Variants in STX1B observed in about 807,000 individuals in gnomAD.
STX1B encodes syntaxin 1B, also known as syntaxin-1B.
A neutral mutation model predicts 39.4 loss-of-function variants in STX1B; 7 were observed. The ratio of observed to expected loss-of-function variants is 0.18; its 90% CI spans 0.10 to 0.33. STX1B has a LOEUF of 0.33. STX1B is among the 10% of genes least tolerant of loss of function. The pLI is 1.00. For missense variants in STX1B, 198 were observed against 383.2 expected, an observed-to-expected ratio of 0.52 and a Z score of 4.04; for synonymous variants, 136 against 144.1, an observed-to-expected ratio of 0.94 and a Z score of 0.40.
chr16:30,993,274 G>A, intron 8 of STX1B, 34 bp from the exon 9 acceptor site: 3 of 1,613,624 alleles, frequency 1.9e-6, no homozygotes, highest in Non-Finnish European at 2.5e-6. Flanking sequence ...AGGGAGGGAT[G>A]GGGGCTGGGC....
Position 30,989,914 on chromosome 16 carries a change from A to G in STX1B, c.*2907T>C, listed in dbSNP as rs1357335640. ...CACACGTGGGGCACATGTGGGCTCA[A>G]TGGTTGCAGGCGCCTGGGCAGGTAG... On this transcript the variant is annotated 3_prime_UTR_variant, in exon 10 of 10. Coordinates refer to ENST00000215095, the MANE Select transcript of STX1B (RefSeq NM_052874.5). 5 of 152,338 alleles carry G rather than the reference A, an allele frequency of 3.3e-5. No individual in the cohort carries two copies. Among genetic ancestry groups the G allele is most frequent in the Admixed American group, 1.3e-4 (2 of 15,276 alleles). The allele number at this position is 152,338 out of a possible 1,614,324, so 9.4% of individuals were successfully genotyped here.
chr16:30,999,617 G>A (rs964318512), intron 4 of STX1B, among the ~76,000 whole-genome samples: 2 of 152,126 alleles, frequency 1.3e-5, no homozygotes, highest in African/African-American at 2.4e-5. Flanking sequence ...TTGAAAGCTC[G>A]CCAGCCCCTG....
intron 6 of STX1B, 94 bp from the exon 7 acceptor site, chr16:30,996,850 C>T (rs969519292): frequency 7.6e-6 from 12 of 1,572,978 alleles, no homozygotes; most frequent in Middle Eastern, 2.0e-4. Flanking sequence ...CACCCTCCCA[C>T]GCCGCCTTAA....
chr16:30,993,819 T>C (rs1485707830), intron 7 of STX1B, among the ~76,000 whole-genome samples: 2 of 152,172 alleles, frequency 1.3e-5, no homozygotes, highest in Admixed American at 6.5e-5. Flanking sequence ...ACCTCGTCTC[T>C]ACTAAAAATA....
rs1229172573 is a variant in STX1B, at chr16:30,989,308, C to T, written c.*3513G>A. The T allele has an allele frequency of 2.0e-5, 3 of 152,330 alleles. No individual in the cohort carries two copies. The East Asian group carries it at 5.8e-4, about 29-fold the overall frequency. The allele number at this position is 152,330 out of a possible 1,614,324, so 9.4% of individuals were successfully genotyped here. ...CCCGTCCCACAGGGCCTGACCTGGC[C>T]CAGGGTGGGGTGGGGGGCTCTGGGG... On this transcript the variant is annotated 3_prime_UTR_variant, in exon 10 of 10. Transcript: ENST00000215095.
chr16:30,995,699 C>T (rs2056588206), intron 7 of STX1B, among the ~76,000 whole-genome samples: 1 of 151,700 alleles, frequency 6.6e-6, no homozygotes, highest in Admixed American at 6.6e-5. Context: ...CCATGTTGGC[C>T]AGGCTGGTCT....
At chr16:30,997,354 C>A in intron 5 of STX1B, 148 bp downstream of exon 5, 1 of 716,660 alleles carries the variant, frequency 1.4e-6, no homozygotes, top group South Asian at 1.8e-5. Context: ...CCCAGGGCCC[C>A]GCCCGCTCTA....
intron 1 of STX1B, among the ~76,000 whole-genome samples, chr16:31,006,738 G>A (rs937898623): frequency 5.9e-5 from 9 of 152,152 alleles, no homozygotes; most frequent in Non-Finnish European, 1.3e-4. Context: ...TCAGGGCAGA[G>A]GGAACAGCAT....
chr16:30,997,370 G>A, intron 5 of STX1B, 132 bp downstream of exon 5: 1 of 562,910 alleles, frequency 1.8e-6, no homozygotes, highest in East Asian at 4.3e-5. Context: ...CTCTAGCCTC[G>A]CCCCCAGAGC....
Position 31,001,975 on chromosome 16 carries a change from C to A in STX1B, c.31-372G>T, listed in dbSNP as rs1454402492. Among the ~76,000 whole-genome samples the A allele has an allele frequency of 1.3e-5, 2 of 152,142 alleles. No individual in the cohort carries two copies. Among genetic ancestry groups the A allele is most frequent in the Non-Finnish European group, 2.9e-5 (2 of 68,012 alleles). On this transcript the variant is annotated intron_variant, in intron 1 of 9. Coordinates refer to ENST00000215095, the MANE Select transcript of STX1B (RefSeq NM_052874.5). The surrounding 1 kb of genome is among the most constrained non-coding windows in gnomAD (Gnocchi z 5.5). ...GGTCCTGGACTAGAGTCCCGGGAGC[C>A]TGGATCTCCCTACTGTTCCTGCTCT...
chr16:30,993,222 T>C lies in STX1B; in HGVS notation c.694A>G (p.Ile232Val). ...VESQGEMIDR[I>V]EYNVEHSVDY... Reference sequence around the variant, plus strand: ...ACAGAATGTTCCACGTTGTACTCGATGCGGTCAATCATCTCTCCCTGCAGA... The same window carrying C: ...ACAGAATGTTCCACGTTGTACTCGACGCGGTCAATCATCTCTCCCTGCAGA... Residue 232 changes from isoleucine (I) to valine (V), a missense_variant, in exon 9 of 10, where the codon ATC (isoleucine) becomes GTC (valine). Ile to Val is a conservative substitution (Grantham distance 29, BLOSUM62 3). Transcript: ENST00000215095. 6.2e-7 allele frequency: 1 copy of C among 1,614,192 alleles called. No individual in the cohort carries two copies. Among genetic ancestry groups the C allele is most frequent in the Non-Finnish European group, 8.5e-7 (1 of 1,180,032 alleles).
At chr16:31,003,399 G>A (rs947432324) in intron 1 of STX1B, among the ~76,000 whole-genome samples, 17 of 152,138 alleles carry the variant, frequency 1.1e-4, no homozygotes, top group Admixed American at 2.0e-4. Flanking sequence ...GGACCCATCG[G>A]CCTACCATGA....
chr16:31,007,721 G>A (rs1004729907), intron 1 of STX1B, among the ~76,000 whole-genome samples: 1 of 152,108 alleles, frequency 6.6e-6, no homozygotes, highest in African/African-American at 2.4e-5. Context: ...CCTGCCCATC[G>A]CAGGGGGCTT....
chr16:30,994,301 A>G (rs2056579957), intron 7 of STX1B, among the ~76,000 whole-genome samples: 1 of 151,734 alleles, frequency 6.6e-6, no homozygotes, highest in Non-Finnish European at 1.5e-5. Context: ...CAAAAAAAAA[A>G]AAAAGAGTCA....
At chr16:31,005,805 G>A (rs1045978150) in intron 1 of STX1B, among the ~76,000 whole-genome samples, 3 of 152,194 alleles carry the variant, frequency 2.0e-5, no homozygotes, top group Non-Finnish European at 4.4e-5. Context: ...ATGAGAGAGT[G>A]CAGTGCCCCT....
chr16:30,997,372 C>A, intron 5 of STX1B, 130 bp downstream of exon 5: 1 of 825,978 alleles, frequency 1.2e-6, no homozygotes, highest in South Asian at 1.5e-5. Context: ...CTAGCCTCGC[C>A]CCCAGAGCCC....
At chr16:31,009,259 T>C (rs772074401) in intron 1 of STX1B, among the ~76,000 whole-genome samples, 16 of 152,072 alleles carry the variant, frequency 1.1e-4, no homozygotes, top group Non-Finnish European at 2.2e-4. Flanking sequence ...GAAACCCAGA[T>C]TGCAGTCTGC....
intron 1 of STX1B, among the ~76,000 whole-genome samples, chr16:31,003,802 A>G (rs559420590): frequency 2.6e-4 from 39 of 152,100 alleles, no homozygotes; most frequent in Admixed American, 1.6e-3. Context: ...ATAATCCTCT[A>G]CCATTTACAA....
rs1160680857 is a variant in STX1B at position 30,997,586 on chromosome 16, G to A, written c.281-11C>T. On this transcript the variant is annotated splice_polypyrimidine_tract_variant and intron_variant, in intron 4 of 9. Transcript: ENST00000215095. The stretch of plus-strand genomic sequence containing the variant: ...TGCTTTGCTCGATCGCTGCGGGAGA[G>A]AGGGCGCAGCGATGGGCGGGAGACC... The A allele has an allele frequency of 6.2e-7, 1 of 1,603,168 alleles. No homozygotes were observed. Among genetic ancestry groups the A allele is most frequent in the Admixed American group, 1.7e-5 (1 of 57,792 alleles).
Sources: allele counts gnomAD v4.1 joint callset (sites outside exome capture counted in the v4.1 genomes callset), GRCh38; gene constraint gnomAD v4.1.1; non-coding constraint Gnocchi (gnomAD v3.1); transcripts MANE v1.5; gene names NCBI Gene and HGNC (gene_info 2026-07-23, HGNC 2026-07-21).